The following OCA2 variants were observed in gnomAD, a reference collection of about 807,000 sequenced individuals.
OCA2 encodes P protein.
OCA2 carries 77 observed loss-of-function variants against 100.2 expected under a neutral mutation model. The observed-to-expected ratio is 0.77, with a 90% CI of 0.64 to 0.93. OCA2 has a LOEUF of 0.93. Among genes scored for constraint, OCA2 ranks in the 40% least tolerant of loss-of-function variants. OCA2 has a pLI of 0.00. For missense variants in OCA2, 1,062 were observed against 1,089.1 expected (o/e 0.98, Z 0.35); for synonymous variants, 432 against 439.2 (o/e 0.98, Z 0.21).
At chr15:28,077,672 G>T (rs2044475526) in intron 2 of OCA2, among the ~76,000 whole-genome samples, 1 of 152,168 alleles carries the variant, frequency 6.6e-6, no homozygotes. Context: ...TTAAAGGAGG[G>T]TAAAACTGCG....
rs780625433 is a variant in OCA2, at chr15:28,081,743, TC to T, written c.131del (p.Gly44GlufsTer58). ...GKRRLPRGAG[G>X]ADPSHSCPRG... ...TGGGGCAGGAGTGCGAGGGGTCAGC[TC>T]CACCGGCTCCCCGAGGAAGCCTGCG... On this transcript the variant is annotated frameshift_variant, in exon 2 of 24. Transcript: ENST00000354638. LOFTEE classifies it high-confidence loss of function. The T allele has an allele frequency of 8.1e-6, 13 of 1,613,328 alleles. No individual in the cohort carries two copies. In the African/African-American group the frequency reaches 1.7e-4, roughly 22 times the overall value.
chr15:27,881,072 G>A (rs1464221790), intron 19 of OCA2, among the ~76,000 whole-genome samples: 1 of 152,130 alleles, frequency 6.6e-6, no homozygotes, highest in Non-Finnish European at 1.5e-5. Context: ...AACATGAAAG[G>A]ACGTTGAATT....
chr15:28,026,949 G>A (rs746166564), intron 4 of OCA2, among the ~76,000 whole-genome samples: 4 of 152,312 alleles, frequency 2.6e-5, no homozygotes, highest in Admixed American at 6.5e-5. Context: ...GGAGGGCATC[G>A]CGTGACAGGG....
At chr15:27,989,690 CAATT>C in intron 10 of OCA2, 24 bp from the exon 11 acceptor site, 1 of 1,611,830 alleles carries the variant, frequency 6.2e-7, no homozygotes, top group Non-Finnish European at 8.5e-7. Context: ...ACAAATTTGC[CAATT>C]AATCCGTGCG....
intron 9 of OCA2, among the ~76,000 whole-genome samples, chr15:27,995,031 CA>C (rs2041677202): frequency 1.3e-5 from 2 of 152,132 alleles, no homozygotes; most frequent in East Asian, 3.9e-4. Context: ...GGTCATTACC[CA>C]CCCTCTTCCA....
intron 23 of OCA2, among the ~76,000 whole-genome samples, chr15:27,783,306 C>T (rs910970386): frequency 1.3e-5 from 2 of 152,174 alleles, no homozygotes; most frequent in Non-Finnish European, 2.9e-5. Flanking sequence ...GAATGTGTTT[C>T]TCCACACCTT....
intron 2 of OCA2, among the ~76,000 whole-genome samples, chr15:28,073,683 T>G (rs1353683619): frequency 6.6e-6 from 1 of 152,180 alleles, no homozygotes; most frequent in Non-Finnish European, 1.5e-5. Flanking sequence ...GGATCCATAC[T>G]CCAAACCTCA....
chr15:27,780,211 A>G (rs2032466453), intron 23 of OCA2, among the ~76,000 whole-genome samples: 1 of 152,186 alleles, frequency 6.6e-6, no homozygotes, highest in Non-Finnish European at 1.5e-5. Context: ...GCACTCTGCA[A>G]ACCTCCCTGC....
At chr15:27,973,504 T>C (rs2040871363) in intron 14 of OCA2, among the ~76,000 whole-genome samples, 1 of 152,200 alleles carries the variant, frequency 6.6e-6, no homozygotes, top group Non-Finnish European at 1.5e-5. Flanking sequence ...TATTTGGCTT[T>C]ATGTCTGGGT....
chr15:27,866,193 G>A (rs1028639389), intron 21 of OCA2, among the ~76,000 whole-genome samples: 1 of 152,190 alleles, frequency 6.6e-6, no homozygotes, highest in Non-Finnish European at 1.5e-5. Flanking sequence ...AGGGCTATAG[G>A]TTGGTGTGGC....
chr15:27,990,661 C>T lies in OCA2; in HGVS notation c.1045-14G>A. On this transcript the variant is annotated splice_polypyrimidine_tract_variant and intron_variant, in intron 9 of 23. Coordinates refer to ENST00000354638, the MANE Select transcript of OCA2 (RefSeq NM_000275.3). Reference sequence around the variant, plus strand: ...TCTGTGCACGATCTGGAAAGAAGCACAGGAAATTACCGCGTTCCAGTGCAC... The same window carrying T: ...TCTGTGCACGATCTGGAAAGAAGCATAGGAAATTACCGCGTTCCAGTGCAC... 1 of 1,613,162 alleles carries T rather than the reference C, an allele frequency of 6.2e-7. No homozygotes were observed. The highest frequency in any genetic ancestry group is 8.5e-7 in the Non-Finnish European group (1 of 1,179,364).
At chr15:27,880,154 A>G (rs1567054620) in intron 19 of OCA2, among the ~76,000 whole-genome samples, 1 of 152,180 alleles carries the variant, frequency 6.6e-6, no homozygotes, top group East Asian at 1.9e-4. Flanking sequence ...TGAAGATCAG[A>G]TGGTTGTAGA....
chr15:27,723,606 G>A, the OCA2 span, among the ~76,000 whole-genome samples: 4 of 152,128 alleles, frequency 2.6e-5, no homozygotes, highest in Non-Finnish European at 5.9e-5. Context: ...CACCCAGGGA[G>A]GAGCAAGAGG....
chr15:28,047,339 T>A (rs2043376332), intron 2 of OCA2, among the ~76,000 whole-genome samples: 1 of 152,164 alleles, frequency 6.6e-6, no homozygotes, highest in Non-Finnish European at 1.5e-5. Context: ...TAGTACCACA[T>A]TATGAGAAAC....
At chr15:28,042,159 G>C (rs2043221751) in intron 2 of OCA2, among the ~76,000 whole-genome samples, 2 of 152,026 alleles carry the variant, frequency 1.3e-5, no homozygotes, top group African/African-American at 4.8e-5. Context: ...TTATCAACTT[G>C]AAAACAAGAG....
At chr15:27,861,736 C>A (rs894200903) in intron 21 of OCA2, among the ~76,000 whole-genome samples, 2 of 152,048 alleles carry the variant, frequency 1.3e-5, no homozygotes, top group Non-Finnish European at 2.9e-5. Context: ...TGCAGTAAAG[C>A]CAAGAAAAAG....
chr15:28,066,044 T>C (rs2044013486), intron 2 of OCA2, among the ~76,000 whole-genome samples: 1 of 152,208 alleles, frequency 6.6e-6, no homozygotes, highest in Non-Finnish European at 1.5e-5. Flanking sequence ...AAAGTTGCTA[T>C]ACTTAATAAG....
intron 9 of OCA2, among the ~76,000 whole-genome samples, chr15:28,003,424 C>A (rs1735621647): frequency 6.6e-6 from 1 of 152,234 alleles, no homozygotes; most frequent in Admixed American, 6.5e-5. Flanking sequence ...TAGAAGCTGG[C>A]GGTCCCCACC....
At chr15:27,838,961 C>G (rs892256014) in intron 23 of OCA2, among the ~76,000 whole-genome samples, 1 of 151,984 alleles carries the variant, frequency 6.6e-6, no homozygotes, top group East Asian at 1.9e-4. Flanking sequence ...AACTTAATCA[C>G]GGATCTAAGA....
Sources: allele counts gnomAD v4.1 joint callset (sites outside exome capture counted in the v4.1 genomes callset), GRCh38; gene constraint gnomAD v4.1.1; transcripts MANE v1.5; gene names NCBI Gene and HGNC (gene_info 2026-07-23, HGNC 2026-07-21).